The following STAG2 variants were observed in gnomAD, a reference collection of about 807,000 sequenced individuals.
STAG2 encodes the protein cohesin subunit SA-2.
Under a neutral mutation model 108.1 loss-of-function variants are expected in STAG2, and 14 were observed. The observed-to-expected ratio is 0.13, with a 90% CI of 0.09 to 0.20. The LOEUF is 0.20. Among genes scored for constraint, STAG2 ranks in the 10% least tolerant of loss-of-function variants. The pLI is 1.00. For synonymous variants in STAG2, 307 were observed against 302.7 expected, an observed-to-expected ratio of 1.01 and a Z score of -0.15; for missense variants, 440 against 940.9, an observed-to-expected ratio of 0.47 and a Z score of 6.96.
intron 5 of STAG2, among the ~76,000 whole-genome samples, chrX:124,033,228 G>A (rs1345903041): frequency 2.7e-5 from 3 of 111,673 alleles, no homozygotes; most frequent in Non-Finnish European, 1.9e-5. Context: ...GCTGTACTAT[G>A]GTTTATTTAG....
chrX:124,017,820 C>T (rs747883591), intron 1 of STAG2, among the ~76,000 whole-genome samples: 1 of 111,493 alleles, frequency 9.0e-6, no homozygotes, highest in South Asian at 3.7e-4. Context: ...TGAGAAGTTA[C>T]GGTGATTAAG....
chrX:124,015,990 G>A (rs2056711264), intron 1 of STAG2, among the ~76,000 whole-genome samples: 1 of 111,747 alleles, frequency 8.9e-6, no homozygotes, highest in South Asian at 3.7e-4. Flanking sequence ...TATGTTCCCT[G>A]CTAATCTTGA....
chrX:124,096,176 ATT>A (rs200817592), intron 34 of STAG2, among the ~76,000 whole-genome samples: 3 of 108,260 alleles, frequency 2.8e-5, no homozygotes, highest in South Asian at 8.0e-4. Flanking sequence ...TCTTTTATTG[ATT>A]TTTTTCCCCC....
At chrX:123,961,659 T>TCCCTTCTCCCTTC (rs1419855622), upstream of STAG2, 3 of 65,490 alleles carry the variant, frequency 4.6e-5, no homozygotes, top group African/African-American at 1.8e-4. Flanking sequence ...TCGTGCCCCC[T>TCCCTTCTCCCTTC]CCCTTCTCCC....
At chrX:124,095,989 A>T (rs183894535) in intron 34 of STAG2, among the ~76,000 whole-genome samples, 1 of 109,981 alleles carries the variant, frequency 9.1e-6, no homozygotes, top group Non-Finnish European at 1.9e-5. Context: ...TACCTCTTAT[A>T]TCAGTCCCCT....
At chrX:124,015,925 G>A (rs745821853) in intron 1 of STAG2, among the ~76,000 whole-genome samples, 2 of 111,072 alleles carry the variant, frequency 1.8e-5, no homozygotes, top group East Asian at 5.6e-4. Flanking sequence ...AAGTACATAG[G>A]CCAATAAAAG....
chrX:124,059,560 T>C (rs1407844760), intron 15 of STAG2, among the ~76,000 whole-genome samples: 2 of 112,649 alleles, frequency 1.8e-5, no homozygotes, highest in Non-Finnish European at 3.7e-5. Context: ...TGTCGAGTTA[T>C]GTTGAATGAC....
At position 124,022,156 on chromosome X, in the gene STAG2, A is replaced by T. The variant is rs947599462; in HGVS notation, c.-97-375A>T. Among the ~76,000 whole-genome samples the T allele has an allele frequency of 6.4e-4, 71 of 110,788 alleles. 10 individuals are homozygous for T. Among genetic ancestry groups the T allele is most frequent in the Admixed American group, 5.2e-3 (54 of 10,374 alleles). On this transcript the variant is annotated intron_variant, in intron 2 of 34. Transcript: ENST00000371145. ...GAGGCCGAGGCAGGTGGGTCACCTG[A>T]GGTCAGGAGTTCGAGACCAGCCTGG...
chrX:124,054,344 GACA>G lies in STAG2; in HGVS notation c.1197-1780_1197-1778del, dbSNP rs1342098361. 4.5e-5 allele frequency among the ~76,000 whole-genome samples: 5 copies of G among 111,965 alleles called. No homozygotes were observed. In the South Asian group the frequency reaches 1.8e-3, roughly 41 times the overall value. On this transcript the variant is annotated intron_variant, in intron 13 of 34. Coordinates refer to ENST00000371145, the MANE Select transcript of STAG2 (RefSeq NM_001042750.2). ...TGGCTATTCCCATTTCTGTGAATCG[GACA>G]ACATTGCAGTAATTAAAAAGAAGGC...
intron 34 of STAG2, 166 bp downstream of exon 34, chrX:124,095,615 C>A (rs2059357696): frequency 2.3e-6 from 1 of 440,709 alleles, no homozygotes; most frequent in African/African-American, 2.5e-5. Context: ...GAAGAGAGTG[C>A]TGCAATAGTG....
At chrX:124,064,723 C>A (rs1180953969) in intron 20 of STAG2, among the ~76,000 whole-genome samples, 2 of 111,183 alleles carry the variant, frequency 1.8e-5, no homozygotes, top group African/African-American at 3.3e-5. Context: ...GGATTACAGG[C>A]GTGAGCCACA....
chrX:123,993,614 C>T (rs776258403), intron 1 of STAG2, among the ~76,000 whole-genome samples: 1 of 111,066 alleles, frequency 9.0e-6, no homozygotes, highest in African/African-American at 3.3e-5. Context: ...CTTCTCTTCC[C>T]TAGCTACTCA....
intron 1 of STAG2, among the ~76,000 whole-genome samples, chrX:123,984,624 G>A (rs774194461): frequency 2.7e-5 from 3 of 111,336 alleles, no homozygotes; most frequent in Non-Finnish European, 5.7e-5. Flanking sequence ...GCTTTATCTG[G>A]ATACTGATCA....
chrX:124,097,585 T>C (rs1265696417), intron 34 of STAG2: 1 of 234,500 alleles, frequency 4.3e-6, no homozygotes, highest in Non-Finnish European at 8.9e-6. Flanking sequence ...ACCTTGACTA[T>C]CACTTTGAAA....
intron 11 of STAG2, 148 bp from the exon 12 acceptor site, chrX:124,050,973 A>G: frequency 2.5e-6 from 1 of 397,112 alleles, no homozygotes; most frequent in South Asian, 5.9e-5. Context: ...TTTTTGCATT[A>G]TCAAACATGA....
chrX:124,080,391 T>C (rs771588637), intron 27 of STAG2, among the ~76,000 whole-genome samples: 1 of 111,267 alleles, frequency 9.0e-6, no homozygotes, highest in East Asian at 2.8e-4. Flanking sequence ...CTTCCTCCTT[T>C]TAAAAAGTTG....
rs774873046 is a variant in STAG2, at chrX:124,066,363, T to C, written c.2192T>C (p.Ile731Thr). 5.8e-6 allele frequency: 7 copies of C among 1,202,033 alleles called. No homozygotes were observed. The highest frequency in any genetic ancestry group is 7.9e-6 in the Non-Finnish European group (7 of 889,648). Residue 731 changes from isoleucine (I) to threonine (T), a missense_variant, in exon 23 of 35, where the codon ATT becomes ACT. By Grantham distance (89) the Ile-to-Thr change is moderately conservative. This residue lies in a region of STAG2 where 337 missense variants were observed against 649.3 expected (regional missense o/e 0.52). Transcript: ENST00000371145. The stretch of plus-strand genomic sequence containing the variant: ...CTTTGATTCTTTTTACAGATTGTTA[T>C]TCACGCACTGCAGTGTACTCACTAT... ...ENGDMPEQIV[I>T]HALQCTHYVI...
At chrX:124,070,719 T>C (rs2058644001) in intron 24 of STAG2, among the ~76,000 whole-genome samples, 1 of 111,844 alleles carries the variant, frequency 8.9e-6, no homozygotes, top group East Asian at 2.8e-4. Flanking sequence ...TTTTTTCTTC[T>C]GTAGAGTGAA....
intron 1 of STAG2, among the ~76,000 whole-genome samples, chrX:124,017,672 GCAT>G (rs1454897761): frequency 9.0e-6 from 1 of 111,448 alleles, no homozygotes; most frequent in Non-Finnish European, 1.9e-5. Flanking sequence ...AAAGATTCAA[GCAT>G]CATCATAATT....
Sources: gnomAD v4.1 joint callset for allele counts (sites outside exome capture counted in the v4.1 genomes callset) on GRCh38, gnomAD v4.1.1 for gene constraint, gnomAD v4.1.1 regional missense constraint, MANE v1.5 for transcripts, NCBI Gene and HGNC (gene_info 2026-07-23, HGNC 2026-07-21) for gene names.